ZNF804B: variants seen among roughly 807,000 people sequenced by gnomAD.
ZNF804B encodes zinc finger 804B.
ZNF804B carries 80 observed loss-of-function variants against 101.4 expected under a neutral mutation model. The ratio of observed to expected loss-of-function variants is 0.79; its 90% CI spans 0.66 to 0.95. The LOEUF is 0.95. Ranked by LOEUF, ZNF804B falls within the 40% of genes least tolerant of loss-of-function variation. ZNF804B has a pLI of 0.00. For synonymous variants in ZNF804B, 622 were observed against 558.8 expected (o/e 1.11, Z -1.59); for missense variants, 1,673 against 1,561.9 (o/e 1.07, Z -1.20).
At chr7:88,775,268 C>T (rs1431844335) in intron 1 of ZNF804B, among the ~76,000 whole-genome samples, 1 of 152,054 alleles carries the variant, frequency 6.6e-6, no homozygotes, top group Non-Finnish European at 1.5e-5. Context: ...TGAGGAGGAG[C>T]TATTTTGGCA....
At chr7:89,171,992 A>G (rs1364015485) in intron 1 of ZNF804B, among the ~76,000 whole-genome samples, 1 of 147,396 alleles carries the variant, frequency 6.8e-6, no homozygotes, top group African/African-American at 2.4e-5. Flanking sequence ...CACTTACAGA[A>G]ATTGACTTGT....
chr7:89,112,009 G>A (rs1326020798), intron 1 of ZNF804B, among the ~76,000 whole-genome samples: 2 of 151,366 alleles, frequency 1.3e-5, no homozygotes, highest in Non-Finnish European at 2.9e-5. Context: ...GGGAGGCTGA[G>A]GCCGGAGAAT....
intron 1 of ZNF804B, among the ~76,000 whole-genome samples, chr7:89,006,930 G>T (rs774761879): frequency 6.6e-6 from 1 of 152,092 alleles, no homozygotes; most frequent in African/African-American, 2.4e-5. Flanking sequence ...TCATGACAGG[G>T]TCAATACTGC....
chr7:88,838,762 A>T (rs915379585), intron 1 of ZNF804B, among the ~76,000 whole-genome samples: 1 of 151,946 alleles, frequency 6.6e-6, no homozygotes, highest in Admixed American at 6.6e-5. Context: ...GAGAAATAGA[A>T]TCTATCTTGT....
intron 1 of ZNF804B, among the ~76,000 whole-genome samples, chr7:89,161,321 CT>C (rs1473616161): frequency 2.0e-5 from 3 of 151,822 alleles, no homozygotes; most frequent in African/African-American, 7.3e-5. Flanking sequence ...TGGTGCTAAG[CT>C]TTGAAAATGA....
intron 1 of ZNF804B, among the ~76,000 whole-genome samples, chr7:88,878,820 G>A (rs1317747346): frequency 6.6e-6 from 1 of 152,114 alleles, no homozygotes; most frequent in Non-Finnish European, 1.5e-5. Flanking sequence ...TCTAAATTTA[G>A]TGACTTAATT....
intron 1 of ZNF804B, among the ~76,000 whole-genome samples, chr7:88,958,938 C>T (rs73399367): frequency 0.085 from 12,892 of 151,340 alleles, 735 homozygotes; most frequent in East Asian, 0.2. Flanking sequence ...ACTAAATCTC[C>T]GAAAGTGGAA....
At chr7:88,780,261 T>G (rs1790203463) in intron 1 of ZNF804B, among the ~76,000 whole-genome samples, 1 of 152,166 alleles carries the variant, frequency 6.6e-6, no homozygotes, top group African/African-American at 2.4e-5. Flanking sequence ...AAGAAAAGTT[T>G]GGAGGTTCCT....
chr7:89,199,312 C>T (rs1303216178), intron 1 of ZNF804B, among the ~76,000 whole-genome samples: 1 of 151,860 alleles, frequency 6.6e-6, no homozygotes, highest in Non-Finnish European at 1.5e-5. Context: ...AGACTCCATT[C>T]CCAAACCAGA....
intron 1 of ZNF804B, among the ~76,000 whole-genome samples, chr7:89,061,905 C>G (rs1366434643): frequency 6.6e-6 from 1 of 152,106 alleles, no homozygotes; most frequent in Non-Finnish European, 1.5e-5. Context: ...ACCTCCTCTT[C>G]TGTATACTAT....
At chr7:88,818,993 T>G (rs997497084) in intron 1 of ZNF804B, among the ~76,000 whole-genome samples, 1 of 152,174 alleles carries the variant, frequency 6.6e-6, no homozygotes, top group Non-Finnish European at 1.5e-5. Flanking sequence ...CATACAGCTT[T>G]CAATGTCAAT....
At chr7:88,838,992 C>A (rs537267839) in intron 1 of ZNF804B, among the ~76,000 whole-genome samples, 1 of 152,106 alleles carries the variant, frequency 6.6e-6, no homozygotes, top group South Asian at 2.1e-4. Flanking sequence ...TGTAACCAGA[C>A]CTCATACAAT....
chr7:89,309,938 A>T (rs1366913816), intron 2 of ZNF804B, among the ~76,000 whole-genome samples: 1 of 152,020 alleles, frequency 6.6e-6, no homozygotes, highest in East Asian at 1.9e-4. Context: ...ACACATATTT[A>T]TTTTGAGGGA....
At chr7:89,001,918 T>C (rs1007257731) in intron 1 of ZNF804B, among the ~76,000 whole-genome samples, 3 of 151,716 alleles carry the variant, frequency 2.0e-5, no homozygotes, top group Non-Finnish European at 2.9e-5. Context: ...CATCATGTTA[T>C]ACAGAATACA....
chr7:89,274,458 A>G (rs550770789), intron 2 of ZNF804B, among the ~76,000 whole-genome samples: 3 of 148,526 alleles, frequency 2.0e-5, no homozygotes, highest in Non-Finnish European at 3.0e-5. Context: ...ATGATTTCCA[A>G]TTTCATCCAT....
intron 1 of ZNF804B, among the ~76,000 whole-genome samples, chr7:88,921,378 A>G (rs980310828): frequency 6.6e-6 from 1 of 152,144 alleles, no homozygotes; most frequent in Non-Finnish European, 1.5e-5. Flanking sequence ...CCGTCCTTTC[A>G]TCAAATTCAC....
At chr7:89,018,062 AG>A (rs544334905) in intron 1 of ZNF804B, among the ~76,000 whole-genome samples, 138 of 152,254 alleles carry the variant, frequency 9.1e-4, no homozygotes, top group Non-Finnish European at 1.1e-3. Flanking sequence ...GTTTAATAAA[AG>A]GAATGAAAGT....
intron 1 of ZNF804B, among the ~76,000 whole-genome samples, chr7:88,982,143 G>A (rs552647283): frequency 1.4e-4 from 21 of 151,966 alleles, no homozygotes; most frequent in African/African-American, 5.1e-4. Flanking sequence ...GCCTCTAGCT[G>A]CAACTCCCAT....
At chr7:89,208,081 G>GTTTTTTTTTTTTTTTTTTTTTTTT (rs201597943) in intron 1 of ZNF804B, among the ~76,000 whole-genome samples, 1 of 135,420 alleles carries the variant, frequency 7.4e-6, no homozygotes, top group Non-Finnish European at 1.6e-5. Context: ...TATTTTATTG[G>GTTTTTTTTTTTTTTTTTTTTTTTT]GTTTTTTTTT....
Sources: gnomAD v4.1 joint callset for allele counts (sites outside exome capture counted in the v4.1 genomes callset) on GRCh38, gnomAD v4.1.1 for gene constraint, MANE v1.5 for transcripts, NCBI Gene and HGNC (gene_info 2026-07-23, HGNC 2026-07-21) for gene names.